The following DRC2 variants were observed in gnomAD, a reference collection of about 807,000 sequenced individuals.
DRC2 encodes the protein coiled-coil domain containing 65.
chr12:48,918,567 A>T, the DRC2 span: 1 of 1,492,488 alleles, frequency 6.7e-7, no homozygotes, highest in Non-Finnish European at 9.2e-7. Context: ...ATCACTGATC[A>T]TTGGTTGGGA....
At chr12:48,908,557 G>A in the DRC2 span, among the ~76,000 whole-genome samples, 2 of 146,868 alleles carry the variant, frequency 1.4e-5, no homozygotes, top group Non-Finnish European at 3.0e-5. Flanking sequence ...TAGATTCTCT[G>A]CAGAACTACC....
chr12:48,918,920 G>A, the DRC2 span: 2 of 1,597,272 alleles, frequency 1.3e-6, no homozygotes, highest in Admixed American at 1.7e-5. Context: ...CAGGGGAGAG[G>A]ACTATCAGAA....
the DRC2 span, among the ~76,000 whole-genome samples, chr12:48,906,813 G>C: frequency 6.6e-6 from 1 of 151,574 alleles, no homozygotes; most frequent in Non-Finnish European, 1.5e-5. Context: ...TGATCCACCT[G>C]CCTCGGCCTC....
chr12:48,904,175 G>C, the DRC2 span: 1 of 857,312 alleles, frequency 1.2e-6, no homozygotes, highest in South Asian at 1.7e-5. Flanking sequence ...ACTGATAGCC[G>C]GGGATCTCTC....
At chr12:48,914,410 G>C in the DRC2 span, 1 of 1,607,490 alleles carries the variant, frequency 6.2e-7, no homozygotes, top group Non-Finnish European at 8.5e-7. Flanking sequence ...CTAGTCTTTA[G>C]CTAAAGACCT....
chr12:48,918,978 G>C, the DRC2 span: 1 of 1,174,086 alleles, frequency 8.5e-7, no homozygotes, highest in Non-Finnish European at 1.2e-6. Context: ...GATTTGGAAA[G>C]GATAGCGGGG....
chr12:48,909,675 G>A, the DRC2 span, among the ~76,000 whole-genome samples: 1 of 151,344 alleles, frequency 6.6e-6, no homozygotes. Flanking sequence ...ACGGGGTTTC[G>A]CCATGTTGGC....
chr12:48,921,476 C>A, the DRC2 span: 1 of 1,571,348 alleles, frequency 6.4e-7, no homozygotes. Flanking sequence ...TGATCTTCCA[C>A]AACCTGTGAT....
the DRC2 span, among the ~76,000 whole-genome samples, chr12:48,905,969 C>T: frequency 9.2e-5 from 14 of 152,138 alleles, no homozygotes; most frequent in South Asian, 8.3e-4. Flanking sequence ...ATGGGGGTTT[C>T]ACCATGTTGG....
At chr12:48,917,630 G>T in the DRC2 span, among the ~76,000 whole-genome samples, 1 of 152,278 alleles carries the variant, frequency 6.6e-6, no homozygotes, top group East Asian at 1.9e-4. Context: ...ATTCTAAATT[G>T]TCAAGGGAAT....
At chr12:48,904,144 AC>A in the DRC2 span, 1 of 653,646 alleles carries the variant, frequency 1.5e-6, no homozygotes. Flanking sequence ...GACGCGTCTT[AC>A]AGTGGGAGAG....
At chr12:48,919,691 T>C in the DRC2 span, among the ~76,000 whole-genome samples, 1 of 152,006 alleles carries the variant, frequency 6.6e-6, no homozygotes, top group Non-Finnish European at 1.5e-5. Flanking sequence ...CTAATTTTTG[T>C]ATTTTTAGTG....
chr12:48,910,601 G>A, the DRC2 span, among the ~76,000 whole-genome samples: 1 of 152,128 alleles, frequency 6.6e-6, no homozygotes, highest in Non-Finnish European at 1.5e-5. Context: ...AGAAAAAAAG[G>A]TTATATAGAG....
the DRC2 span, among the ~76,000 whole-genome samples, chr12:48,911,726 A>G: frequency 2.0e-5 from 3 of 152,080 alleles, no homozygotes; most frequent in Non-Finnish European, 4.4e-5. Flanking sequence ...CAGCCTCCCA[A>G]AGATCTGGGA....
chr12:48,918,419 G>A, the DRC2 span: 1 of 1,614,166 alleles, frequency 6.2e-7, no homozygotes, highest in Non-Finnish European at 8.5e-7. Context: ...GGTGAAGGAT[G>A]AGAAGAGCTC....
the DRC2 span, chr12:48,905,022 G>C: frequency 6.2e-7 from 1 of 1,613,938 alleles, no homozygotes; most frequent in African/African-American, 1.3e-5. Context: ...ACTGTCCTTC[G>C]GGAAGTCAAG....
At chr12:48,913,980 A>G in the DRC2 span, among the ~76,000 whole-genome samples, 2 of 123,646 alleles carry the variant, frequency 1.6e-5, no homozygotes, top group African/African-American at 3.2e-5. Context: ...CCCAGGCTGG[A>G]GTGTAGTGGC....
the DRC2 span, among the ~76,000 whole-genome samples, chr12:48,919,676 C>G: frequency 6.6e-6 from 1 of 152,028 alleles, no homozygotes; most frequent in Non-Finnish European, 1.5e-5. Context: ...CACCACCACA[C>G]CCGGCTAATT....
At chr12:48,904,192 G>A in the DRC2 span, 1 of 1,059,030 alleles carries the variant, frequency 9.4e-7, no homozygotes, top group Non-Finnish European at 1.4e-6. Flanking sequence ...TCTCCTGTTC[G>A]AGGGCTGAGA....
Sources: allele counts gnomAD v4.1 joint callset (sites outside exome capture counted in the v4.1 genomes callset), GRCh38; gene constraint gnomAD v4.1.1; transcripts MANE v1.5; gene names NCBI Gene and HGNC (gene_info 2026-07-23, HGNC 2026-07-21).